The following PITPNM2 variants were observed in gnomAD, a reference collection of about 807,000 sequenced individuals.
PITPNM2 encodes the protein membrane-associated phosphatidylinositol transfer protein 2.
Under a neutral mutation model 132.2 loss-of-function variants are expected in PITPNM2, and 35 were observed. The observed-to-expected ratio is 0.26, with a 90% CI of 0.20 to 0.35. PITPNM2 has a LOEUF of 0.35. Among genes scored for constraint, PITPNM2 ranks in the 10% least tolerant of loss-of-function variants. The pLI, the probability that PITPNM2 is intolerant of heterozygous loss-of-function variation, is 1.00. For synonymous variants in PITPNM2, 738 were observed against 799.2 expected, an observed-to-expected ratio of 0.92 and a Z score of 1.29; for missense variants, 1,332 against 1,912.0, an observed-to-expected ratio of 0.70 and a Z score of 5.66.
intron 2 of PITPNM2, among the ~76,000 whole-genome samples, chr12:123,086,580 C>T (rs2042118462): frequency 6.6e-6 from 1 of 152,224 alleles, no homozygotes; most frequent in African/African-American, 2.4e-5. Context: ...CTACTCTTCT[C>T]AGCATGTGAA....
chr12:123,001,171 G>C lies in PITPNM2; in HGVS notation c.1049-13C>G. 6.2e-7 allele frequency: 1 copy of C among 1,607,730 alleles called. No individual in the cohort carries two copies. The highest frequency in any genetic ancestry group is 8.5e-7 in the Non-Finnish European group (1 of 1,174,162). On this transcript the variant is annotated splice_polypyrimidine_tract_variant and intron_variant, in intron 8 of 25. Coordinates refer to ENST00000320201, the MANE Select transcript of PITPNM2 (RefSeq NM_020845.3). ...TCGGACAGGTCCTCTGGAGAGGAGA[G>C]AGGGAAACTCAGGTGGGACTGGGAA...
In PITPNM2 at chr12:123,150,981, G is replaced by T. The variant is rs927433334; in HGVS notation, c.-428C>A. Among the ~76,000 whole-genome samples, 1 of 144,460 alleles carries T rather than the reference G, an allele frequency of 6.9e-6. No homozygotes were observed. Among genetic ancestry groups the T allele is most frequent in the African/African-American group, 2.5e-5 (1 of 40,248 alleles). 94.8% of individuals were successfully genotyped at this position (144,460 alleles called of 152,430 possible). A position where few individuals can be genotyped will look rare whatever the true frequency, so the allele number is the denominator to read the frequency against. On this transcript the variant is annotated 5_prime_UTR_variant, in exon 1 of 26. Coordinates refer to ENST00000320201, the MANE Select transcript of PITPNM2 (RefSeq NM_020845.3). This position sits in a 1 kb window ranked among gnomAD's most constrained non-coding sequence, Gnocchi z 6.0. Reference sequence around the variant, plus strand: ...GCGCACGTGCTGGCGGGCGGCTCTCGCTGAGGCGGCCGCGAGCTGAGAAGG... The same window carrying T: ...GCGCACGTGCTGGCGGGCGGCTCTCTCTGAGGCGGCCGCGAGCTGAGAAGG...
At chr12:123,093,476 A>ACG (rs201040665) in intron 2 of PITPNM2, among the ~76,000 whole-genome samples, 7,272 of 151,714 alleles carry the variant, frequency 0.048, 581 homozygotes, top group African/African-American at 0.17. Flanking sequence ...ACACGCACAC[A>ACG]CACACACGCG....
intron 1 of PITPNM2, among the ~76,000 whole-genome samples, chr12:123,127,602 TTTTC>T (rs1304532095): frequency 1.1e-4 from 17 of 151,488 alleles, no homozygotes; most frequent in Non-Finnish European, 2.1e-4. Flanking sequence ...CCCTGCCTCT[TTTTC>T]TTTCTTTTTT....
Position 122,988,296 on chromosome 12 carries a change from C to T in PITPNM2, c.2935G>A (p.Val979Met), listed in dbSNP as rs969012936. Residue 979 changes from valine (V) to methionine (M), a missense_variant, in exon 20 of 26, where the codon GTG becomes ATG. Around this residue, in one of 6 missense-constraint regions of PITPNM2, gnomAD observed 251 missense variants for 472.0 expected, o/e 0.53. Coordinates refer to ENST00000320201, the MANE Select transcript of PITPNM2 (RefSeq NM_020845.3). ...TCCCTTGGCTTTGAGGGGGTGAACA[C>T]CGACACTTCCTTGCCATCCAGCTCC... ...ILELDGKEVS[V>M]FTPSKPREKW... is the part of the protein sequence containing the mutation. 6.2e-7 allele frequency: 1 copy of T among 1,613,464 alleles called. No homozygotes were observed. Among genetic ancestry groups the T allele is most frequent in the African/African-American group, 1.3e-5 (1 of 75,036 alleles).
At chr12:123,075,415 G>GT (rs2041753835) in intron 2 of PITPNM2, among the ~76,000 whole-genome samples, 1 of 152,190 alleles carries the variant, frequency 6.6e-6, no homozygotes, top group Non-Finnish European at 1.5e-5. Context: ...CCTGGGTGGT[G>GT]GATTCCACCA....
intron 1 of PITPNM2, among the ~76,000 whole-genome samples, chr12:123,145,360 C>T (rs902833793): frequency 6.6e-6 from 1 of 152,186 alleles, no homozygotes; most frequent in African/African-American, 2.4e-5. Context: ...TCAGCTTCTG[C>T]TCCAAGGCTG....
At chr12:123,105,010 C>T (rs759018597) in intron 2 of PITPNM2, among the ~76,000 whole-genome samples, 1 of 152,148 alleles carries the variant, frequency 6.6e-6, no homozygotes, top group Non-Finnish European at 1.5e-5. Context: ...CTAACGGGGC[C>T]CTCAATATTC....
At chr12:123,001,574 G>A (rs1335374638) in intron 8 of PITPNM2, among the ~76,000 whole-genome samples, 1 of 152,228 alleles carries the variant, frequency 6.6e-6, no homozygotes, top group Non-Finnish European at 1.5e-5. Flanking sequence ...ATGTGGTCTT[G>A]TGTCTGGCTT....
chr12:123,127,153 G>A (rs2043155684), intron 1 of PITPNM2, among the ~76,000 whole-genome samples: 1 of 152,156 alleles, frequency 6.6e-6, no homozygotes, highest in African/African-American at 2.4e-5. Context: ...CTGTGACAAC[G>A]ACTTAATGGT....
intron 2 of PITPNM2, among the ~76,000 whole-genome samples, chr12:123,076,342 C>A (rs1404577002): frequency 6.6e-6 from 1 of 152,126 alleles, no homozygotes; most frequent in Admixed American, 6.5e-5. Context: ...AAGAGAAGCA[C>A]CAAGAATTGA....
At chr12:123,049,786 T>C (rs942849393) in intron 2 of PITPNM2, among the ~76,000 whole-genome samples, 5 of 152,202 alleles carry the variant, frequency 3.3e-5, no homozygotes, top group African/African-American at 1.2e-4. Flanking sequence ...CCTAGAATGG[T>C]GCCTGCACAA....
At position 122,996,728 on chromosome 12, in the gene PITPNM2, T is replaced by C. The variant is rs778051480; in HGVS notation, c.1655A>G (p.Asn552Ser). The C allele has an allele frequency of 6.8e-6, 11 of 1,611,342 alleles. No homozygotes were observed. In the Admixed American group the frequency reaches 1.0e-4, roughly 15 times the overall value. Residue 552 changes from asparagine (N) to serine (S), a missense_variant, in exon 12 of 26, where the codon AAT becomes AGT. Physicochemically the swap from Asn to Ser is conservative, Grantham distance 46. Coordinates refer to ENST00000320201, the MANE Select transcript of PITPNM2 (RefSeq NM_020845.3). ...AACTTCCCCGGGACTCACCTGCCCA[T>C]TGAAGGTCATGCCCTCCTGGGACTT... ...FIKSQEGMTF[N>S]GQVCLIGDCV... is the part of the protein sequence containing the mutation.
intron 1 of PITPNM2, among the ~76,000 whole-genome samples, chr12:123,127,122 G>A (rs1411570313): frequency 6.6e-6 from 1 of 152,220 alleles, no homozygotes; most frequent in African/African-American, 2.4e-5. Context: ...AGTTGAGCTT[G>A]AAATAATGGA....
At chr12:123,073,180 G>A (rs2041666585) in intron 2 of PITPNM2, among the ~76,000 whole-genome samples, 1 of 152,200 alleles carries the variant, frequency 6.6e-6, no homozygotes. Context: ...CTCTTAGGAA[G>A]AGCTCTTAAA....
At chr12:123,010,484 G>T (rs1265841339) in intron 5 of PITPNM2, among the ~76,000 whole-genome samples, 1 of 152,224 alleles carries the variant, frequency 6.6e-6, no homozygotes, top group Non-Finnish European at 1.5e-5. Flanking sequence ...ACACTGGGGA[G>T]ATGAATTTCC....
Position 123,117,440 on chromosome 12 carries a change from A to G in PITPNM2, c.-199-6952T>C, listed in dbSNP as rs2042954166. Among the ~76,000 whole-genome samples, 1 of 152,138 alleles carries G rather than the reference A, an allele frequency of 6.6e-6. No homozygotes were observed. The highest frequency in any genetic ancestry group is 1.5e-5 in the Non-Finnish European group (1 of 68,016). ...GCAGTGAAGTGATCATTGGCATGGG[A>G]TTGAGACCAGAGTTCTGGCTGCTGA... On this transcript the variant is annotated intron_variant, in intron 1 of 25. Coordinates refer to ENST00000320201, the MANE Select transcript of PITPNM2 (RefSeq NM_020845.3). The surrounding 1 kb of genome is among the most constrained non-coding windows in gnomAD (Gnocchi z 4.7).
chr12:123,141,759 C>T (rs1156919594), intron 1 of PITPNM2, among the ~76,000 whole-genome samples: 2 of 152,112 alleles, frequency 1.3e-5, no homozygotes, highest in Non-Finnish European at 2.9e-5. Flanking sequence ...GAGCCGGCCT[C>T]CAGCTCACTA....
intron 13 of PITPNM2, among the ~76,000 whole-genome samples, chr12:122,995,863 C>T (rs1183860635): frequency 3.3e-5 from 5 of 152,170 alleles, no homozygotes; most frequent in African/African-American, 7.2e-5. Context: ...GTCTACAGGC[C>T]GTTTTCCACT....
Sources: gnomAD v4.1 joint callset for allele counts (sites outside exome capture counted in the v4.1 genomes callset) on GRCh38, gnomAD v4.1.1 for gene constraint, gnomAD v4.1.1 regional missense constraint, Gnocchi (gnomAD v3.1) non-coding constraint, MANE v1.5 for transcripts, NCBI Gene and HGNC (gene_info 2026-07-23, HGNC 2026-07-21) for gene names.